C5orf22: variants seen among roughly 807,000 people sequenced by gnomAD.
The protein encoded by C5orf22 is UPF0489 protein C5orf22.
C5orf22 carries 36 observed loss-of-function variants against 48.7 expected under a neutral mutation model. The ratio of observed to expected loss-of-function variants is 0.74; its 90% CI spans 0.57 to 0.98. The LOEUF (loss-of-function observed/expected upper bound fraction) is 0.98. Ranked by LOEUF, C5orf22 falls within the 50% of genes least tolerant of loss-of-function variation. The pLI is 0.00. For missense variants in C5orf22, 486 were observed against 521.9 expected (o/e 0.93, Z 0.67); for synonymous variants, 141 against 180.8 (o/e 0.78, Z 1.76).
Position 31,534,423 on chromosome 5 carries a change from A to T in C5orf22, c.227+6A>T. 8 of 1,599,052 alleles carry T rather than the reference A, an allele frequency of 5.0e-6. No homozygotes were observed. Among genetic ancestry groups the T allele is most frequent in the Non-Finnish European group, 6.8e-6 (8 of 1,175,128 alleles). ...GATAAGGAAACACTCTTTGGGTAATATGTGATTTTATTTATGGTCTTTTGT... is the reference window on the plus strand; with the variant it reads ...GATAAGGAAACACTCTTTGGGTAATTTGTGATTTTATTTATGGTCTTTTGT... On this transcript the variant is annotated splice_donor_region_variant and intron_variant, in intron 2 of 8. Coordinates refer to ENST00000325366, the MANE Select transcript of C5orf22 (RefSeq NM_018356.3).
chr5:31,547,240 C>T (rs780835027), intron 7 of C5orf22, among the ~76,000 whole-genome samples: 40 of 152,260 alleles, frequency 2.6e-4, no homozygotes, highest in African/African-American at 5.3e-4. Flanking sequence ...GAGGTGGGTT[C>T]GCATTGTCTT....
chr5:31,543,757 A>G (rs1742623523), intron 6 of C5orf22, among the ~76,000 whole-genome samples: 1 of 152,156 alleles, frequency 6.6e-6, no homozygotes, highest in Non-Finnish European at 1.5e-5. Context: ...AGCTAAGTTT[A>G]AAACTTCAAC....
Position 31,538,596 on chromosome 5 carries a change from T to G in C5orf22, c.714T>G (p.Ile238Met). 6.2e-7 allele frequency: 1 copy of G among 1,614,142 alleles called. No homozygotes were observed. The highest frequency in any genetic ancestry group is 8.5e-7 in the Non-Finnish European group (1 of 1,179,980). The change falls in exon 4 of 9, where the codon ATT becomes ATG. Residue 238 changes from isoleucine to methionine, a missense_variant. Transcript: ENST00000325366. ...ECQTAASTGEILEILKKGKAF... is the reference protein window; with the variant it reads ...ECQTAASTGEMLEILKKGKAF... ...AGACTGCTGCCAGCACTGGGGAAAT[T>G]CTGGAAATTTTGAAGAAAGGGAAGG...
intron 7 of C5orf22, among the ~76,000 whole-genome samples, chr5:31,547,665 C>G (rs1742980712): frequency 6.6e-6 from 1 of 152,244 alleles, no homozygotes; most frequent in Non-Finnish European, 1.5e-5. Flanking sequence ...GAAACCACAG[C>G]CCGAGCTCTA....
chr5:31,550,436 G>A (rs775725456), intron 7 of C5orf22, among the ~76,000 whole-genome samples: 6 of 152,154 alleles, frequency 3.9e-5, no homozygotes, highest in Non-Finnish European at 8.8e-5. Context: ...AAACAGTTTG[G>A]TTAAATAAGG....
rs1743469621 is a variant in C5orf22, at chr5:31,554,354, C to T, written c.*1452C>T. The T allele has an allele frequency of 6.6e-6, 1 of 152,136 alleles. No individual in the cohort carries two copies. The highest frequency in any genetic ancestry group is 1.9e-4 in the East Asian group (1 of 5,198). The allele number at this position is 152,136 out of a possible 1,614,324, so 9.4% of individuals were successfully genotyped here. A position where few individuals can be genotyped will look rare whatever the true frequency, so the allele number is the denominator to read the frequency against. The stretch of plus-strand genomic sequence containing the variant: ...TAACGAAGGACACACATTATCATTG[C>T]CTCACAGTGGATGGCACCTGACCCC... On this transcript the variant is annotated 3_prime_UTR_variant, in exon 9 of 9. Transcript: ENST00000325366.
chr5:31,540,898 A>G (rs990393956), intron 4 of C5orf22, 51 bp from the exon 5 acceptor site: 2 of 1,376,058 alleles, frequency 1.5e-6, no homozygotes, highest in Non-Finnish European at 1.0e-6. Context: ...ATCATTAAAA[A>G]ATTTTAACTT....
chr5:31,551,517 C>A, intron 8 of C5orf22, 85 bp downstream of exon 8: 3 of 1,084,608 alleles, frequency 2.8e-6, no homozygotes, highest in Non-Finnish European at 4.0e-6. Flanking sequence ...CATTATATGG[C>A]AAAAGGAAAT....
intron 1 of C5orf22, among the ~76,000 whole-genome samples, chr5:31,532,771 C>T (rs10070102): frequency 1.3e-5 from 2 of 151,784 alleles, no homozygotes; most frequent in African/African-American, 4.8e-5. Flanking sequence ...CTGCAGAGCC[C>T]TGTGTTCTTA....
intron 3 of C5orf22, among the ~76,000 whole-genome samples, chr5:31,536,785 T>G (rs1008083048): frequency 2.0e-5 from 3 of 152,216 alleles, no homozygotes; most frequent in Non-Finnish European, 4.4e-5. Context: ...ACTATAATAC[T>G]TTCAGAAATA....
intron 6 of C5orf22, among the ~76,000 whole-genome samples, chr5:31,542,467 C>CAAAAAA (rs34647885): frequency 4.8e-5 from 5 of 104,448 alleles, no homozygotes; most frequent in East Asian, 2.8e-4. Flanking sequence ...GACTCCGTCT[C>CAAAAAA]AAAAAAAAAA....
chr5:31,534,514 G>T (rs1270894333), intron 2 of C5orf22, 97 bp downstream of exon 2: 2 of 1,107,200 alleles, frequency 1.8e-6, no homozygotes, highest in Non-Finnish European at 1.3e-6. Context: ...AAACTCATGG[G>T]TTTGGGGGTT....
rs368305221 is a variant in C5orf22 at position 31,553,165 on chromosome 5, GT to G, written c.*266del. The G allele has an allele frequency of 0.019, 4,977 of 262,020 alleles. 274 individuals are homozygous for G. Among genetic ancestry groups the G allele is most frequent in the African/African-American group, 0.1 (4,620 of 44,108 alleles). 16.2% of individuals were successfully genotyped at this position (262,020 alleles called of 1,614,324 possible). On this transcript the variant is annotated 3_prime_UTR_variant, in exon 9 of 9. Transcript: ENST00000325366. ...TTTTTAGGGTTTTGTTTTTTTTTTT[GT>G]TTGTTTGTTTGTTTGTCTTCACTTT...
At chr5:31,550,076 C>CTAAA in intron 7 of C5orf22, among the ~76,000 whole-genome samples, 1 of 152,202 alleles carries the variant, frequency 6.6e-6, no homozygotes, top group African/African-American at 2.4e-5. Context: ...AGATAGAACG[C>CTAAA]TAAATAGTTT....
intron 4 of C5orf22, among the ~76,000 whole-genome samples, chr5:31,539,413 A>G (rs1742313827): frequency 6.6e-6 from 1 of 152,228 alleles, no homozygotes; most frequent in African/African-American, 2.4e-5. Context: ...AGAAACAAAT[A>G]CTGTGATCAG....
At chr5:31,552,643 A>G (rs1461158224) in intron 8 of C5orf22, 130 bp from the exon 9 acceptor site, 5 of 717,876 alleles carry the variant, frequency 7.0e-6, no homozygotes, top group East Asian at 2.7e-5. Flanking sequence ...CTAGCTTTCA[A>G]TTGATATTAA....
Position 31,552,950 on chromosome 5 carries a change from C to T in C5orf22, c.*48C>T, listed in dbSNP as rs768170059. On this transcript the variant is annotated 3_prime_UTR_variant, in exon 9 of 9. Transcript: ENST00000325366. Reference sequence around the variant, plus strand: ...TGTTGTATCTTGGTTTAGTAACAGGCCCTTAATTAACTTATTTGTACATGA... The same window carrying T: ...TGTTGTATCTTGGTTTAGTAACAGGTCCTTAATTAACTTATTTGTACATGA... 2 of 1,574,050 alleles carry T rather than the reference C, an allele frequency of 1.3e-6. No homozygotes were observed. Among genetic ancestry groups the T allele is most frequent in the Admixed American group, 3.5e-5 (2 of 56,686 alleles).
chr5:31,542,467 C>CA (rs34647885), intron 6 of C5orf22, among the ~76,000 whole-genome samples: 4,188 of 104,376 alleles, frequency 0.04, 426 homozygotes, highest in African/African-American at 0.14. Flanking sequence ...GACTCCGTCT[C>CA]AAAAAAAAAA....
rs1204317737 is a variant in C5orf22 at position 31,553,463 on chromosome 5, T to C, written c.*561T>C. ...AGGAAAGTAACATTCTCTATCTTTT[T>C]TTTTTTTTTTAATTTTATAAAAATA... On this transcript the variant is annotated 3_prime_UTR_variant, in exon 9 of 9. Transcript: ENST00000325366. 6.6e-6 allele frequency: 1 copy of C among 151,972 alleles called. No individual in the cohort carries two copies. Among genetic ancestry groups the C allele is most frequent in the Admixed American group, 6.6e-5 (1 of 15,244 alleles). The allele number at this position is 151,972 out of a possible 1,614,324, so 9.4% of individuals were successfully genotyped here.
Sources: allele counts gnomAD v4.1 joint callset (sites outside exome capture counted in the v4.1 genomes callset), GRCh38; gene constraint gnomAD v4.1.1; transcripts MANE v1.5; gene names NCBI Gene and HGNC (gene_info 2026-07-23, HGNC 2026-07-21).